The following SRPK2 variants were observed in gnomAD, a reference collection of about 807,000 sequenced individuals.
The protein encoded by SRPK2 is SFRS protein kinase 2.
SRPK2 carries 21 observed loss-of-function variants against 90.8 expected under a neutral mutation model. That is an observed-to-expected ratio of 0.23 (90% CI 0.16 to 0.33). SRPK2 has a LOEUF of 0.33. SRPK2 is among the 10% of genes least tolerant of loss of function. The probability of loss-of-function intolerance (pLI) is 1.00; values close to 1 mark genes in which losing one functional copy is unlikely to be tolerated. For missense variants in SRPK2, 620 were observed against 869.0 expected (o/e 0.71, Z 3.60); for synonymous variants, 288 against 311.1 (o/e 0.93, Z 0.78).
At chr7:105,234,982 T>C (rs541813645) in intron 2 of SRPK2, among the ~76,000 whole-genome samples, 2 of 152,308 alleles carry the variant, frequency 1.3e-5, no homozygotes, top group East Asian at 3.9e-4. Flanking sequence ...TTCACAAACT[T>C]TCCTAAAACA....
chr7:105,179,824 C>CAAA (rs1185836588), intron 3 of SRPK2, among the ~76,000 whole-genome samples: 14 of 60,268 alleles, frequency 2.3e-4, no homozygotes, highest in Non-Finnish European at 2.8e-4. Context: ...GAGTCCATCT[C>CAAA]AAAAAAAAAA....
chr7:105,178,028 CAAAAAAA>C (rs748165970), intron 3 of SRPK2, among the ~76,000 whole-genome samples: 5 of 57,116 alleles, frequency 8.8e-5, no homozygotes, highest in Non-Finnish European at 1.5e-4. Context: ...GACTCCGTCT[CAAAAAAA>C]AAAAAAAAAA....
chr7:105,242,510 C>CAATA (rs555112933), intron 2 of SRPK2, among the ~76,000 whole-genome samples: 103 of 151,820 alleles, frequency 6.8e-4, no homozygotes, highest in East Asian at 6.2e-3. Context: ...GGTTCCATCT[C>CAATA]AATAAATAAA....
chr7:105,233,569 CG>C (rs1291113599), intron 2 of SRPK2, among the ~76,000 whole-genome samples: 4 of 152,080 alleles, frequency 2.6e-5, no homozygotes, highest in Non-Finnish European at 5.9e-5. Context: ...AAATAAAATA[CG>C]GGCTGGGCGC....
At chr7:105,366,187 C>T (rs1050846099) in intron 2 of SRPK2, among the ~76,000 whole-genome samples, 3 of 151,868 alleles carry the variant, frequency 2.0e-5, no homozygotes, top group Admixed American at 6.6e-5. Context: ...GGAACTCATA[C>T]GCTGCCACTT....
chr7:105,216,196 T>C (rs1797438114), intron 2 of SRPK2, among the ~76,000 whole-genome samples: 2 of 152,176 alleles, frequency 1.3e-5, no homozygotes, highest in South Asian at 2.1e-4. Flanking sequence ...TTTAATAAAG[T>C]TGTTATGCAA....
chr7:105,342,275 G>A (rs1585794243), intron 2 of SRPK2, among the ~76,000 whole-genome samples: 1 of 151,540 alleles, frequency 6.6e-6, no homozygotes, highest in Non-Finnish European at 1.5e-5. Context: ...GGTGAGCCGA[G>A]ATCGCACCAC....
intron 3 of SRPK2, among the ~76,000 whole-genome samples, chr7:105,171,719 T>A (rs1791179207): frequency 6.6e-6 from 1 of 152,226 alleles, no homozygotes; most frequent in African/African-American, 2.4e-5. Context: ...TGCACTTGCT[T>A]GTCCTGGATT....
At chr7:105,368,486 C>T (rs1417837360) in intron 2 of SRPK2, among the ~76,000 whole-genome samples, 2 of 152,202 alleles carry the variant, frequency 1.3e-5, no homozygotes, top group East Asian at 3.8e-4. Context: ...GGCTTGTCAT[C>T]CTGCAGCTTA....
chr7:105,299,765 G>T (rs957285439), intron 2 of SRPK2, among the ~76,000 whole-genome samples: 10 of 152,026 alleles, frequency 6.6e-5, no homozygotes, highest in African/African-American at 2.2e-4. Context: ...GTGGTGGAGG[G>T]TGCCTGTAAT....
intron 2 of SRPK2, among the ~76,000 whole-genome samples, chr7:105,232,934 T>C (rs952953840): frequency 1.3e-5 from 2 of 151,498 alleles, no homozygotes; most frequent in African/African-American, 4.9e-5. Context: ...AATCACTTGA[T>C]CACTGAACTT....
At chr7:105,286,391 G>C (rs1345655494) in intron 2 of SRPK2, among the ~76,000 whole-genome samples, 3 of 152,104 alleles carry the variant, frequency 2.0e-5, no homozygotes, top group African/African-American at 7.2e-5. Context: ...TAAGTGTTTG[G>C]AGGGTAAAAG....
intron 2 of SRPK2, among the ~76,000 whole-genome samples, chr7:105,208,042 A>G (rs1035158829): frequency 9.2e-5 from 14 of 152,248 alleles, no homozygotes; most frequent in African/African-American, 3.4e-4. Context: ...AATATATGAA[A>G]AGATGCTCAA....
At chr7:105,396,115 G>T (rs986670106) in intron 1 of SRPK2, among the ~76,000 whole-genome samples, 2 of 151,656 alleles carry the variant, frequency 1.3e-5, no homozygotes, top group South Asian at 2.1e-4. Flanking sequence ...GGGTTTCTCC[G>T]TGTTGGACAG....
chr7:105,115,669 C>G (rs1239242276), downstream of SRPK2, among the ~76,000 whole-genome samples: 2 of 152,154 alleles, frequency 1.3e-5, no homozygotes, highest in African/African-American at 4.8e-5. Context: ...TATATTCCTT[C>G]TAGAACAACC....
chr7:105,146,422 C>A, intron 8 of SRPK2, 71 bp downstream of exon 8: 1 of 1,521,864 alleles, frequency 6.6e-7, no homozygotes. Flanking sequence ...GATTCAGATA[C>A]CTTCAACAAC....
chr7:105,369,361 T>C (rs1199506806), intron 2 of SRPK2, among the ~76,000 whole-genome samples: 2 of 151,984 alleles, frequency 1.3e-5, no homozygotes, highest in Admixed American at 6.6e-5. Flanking sequence ...CTGGCCAGGC[T>C]GGTATCGAAC....
chr7:105,386,789 T>A (rs1821666898), intron 2 of SRPK2, among the ~76,000 whole-genome samples: 1 of 152,220 alleles, frequency 6.6e-6, no homozygotes, highest in Non-Finnish European at 1.5e-5. Flanking sequence ...CTCAATCAGT[T>A]ATATAATTGG....
At chr7:105,250,339 TAAACAAACAAACAAAC>T (rs58664882) in intron 2 of SRPK2, among the ~76,000 whole-genome samples, 10 of 151,092 alleles carry the variant, frequency 6.6e-5, no homozygotes, top group African/African-American at 2.4e-4. Flanking sequence ...AAACTCTGTC[TAAACAAACAAACAAAC>T]AAACAAACAA....
Sources: allele counts gnomAD v4.1 joint callset (sites outside exome capture counted in the v4.1 genomes callset), GRCh38; gene constraint gnomAD v4.1.1; transcripts MANE v1.5; gene names NCBI Gene and HGNC (gene_info 2026-07-23, HGNC 2026-07-21).